Variants in CDK19 observed in about 807,000 individuals in gnomAD.
CDK19 encodes the protein cyclin dependent kinase 19, also known as cyclin-dependent kinase 19.
A neutral mutation model predicts 68.3 loss-of-function variants in CDK19; 20 were observed. The ratio of observed to expected loss-of-function variants is 0.29; its 90% confidence interval spans 0.21 to 0.43. The LOEUF (loss-of-function observed/expected upper bound fraction) is 0.43, where lower values mean the gene tolerates loss of function less well. CDK19 is among the 20% of genes least tolerant of loss of function. The pLI is 1.00. For synonymous variants in CDK19, 221 were observed against 222.8 expected, an observed-to-expected ratio of 0.99 and a Z score of 0.07; for missense variants, 339 against 623.5, an observed-to-expected ratio of 0.54 and a Z score of 4.86.
At chr6:110,700,047 G>A (rs1338307730) in intron 2 of CDK19, among the ~76,000 whole-genome samples, 2 of 152,174 alleles carry the variant, frequency 1.3e-5, no homozygotes, top group African/African-American at 2.4e-5. Flanking sequence ...TCTATCTCCT[G>A]TCAGATAAGC....
intron 1 of CDK19, among the ~76,000 whole-genome samples, chr6:110,792,813 T>G (rs1435188701): frequency 1.3e-5 from 2 of 152,212 alleles, no homozygotes; most frequent in Non-Finnish European, 2.9e-5. Flanking sequence ...CCCTTTTTAT[T>G]TACTAACTTA....
intron 1 of CDK19, among the ~76,000 whole-genome samples, chr6:110,793,892 A>G (rs913697204): frequency 6.6e-6 from 1 of 152,212 alleles, no homozygotes; most frequent in Admixed American, 6.5e-5. Flanking sequence ...TCCTGGCACA[A>G]CTGCACCAGC....
At chr6:110,754,897 T>C (rs185387075) in intron 1 of CDK19, among the ~76,000 whole-genome samples, 3 of 152,152 alleles carry the variant, frequency 2.0e-5, no homozygotes, top group African/African-American at 7.2e-5. Flanking sequence ...ATTTCAGAAA[T>C]ATGTTACTAA....
chr6:110,806,512 A>G (rs952158468), intron 1 of CDK19, among the ~76,000 whole-genome samples: 6 of 152,204 alleles, frequency 3.9e-5, no homozygotes, highest in Middle Eastern at 3.2e-3. Context: ...TTACAGACAC[A>G]TTAATAGGTA....
At chr6:110,808,348 G>C (rs756460305) in intron 1 of CDK19, among the ~76,000 whole-genome samples, 2 of 152,150 alleles carry the variant, frequency 1.3e-5, no homozygotes, top group Non-Finnish European at 2.9e-5. Flanking sequence ...TCTACACCAG[G>C]AGTCAACAAA....
chr6:110,768,917 C>T (rs1779780338), intron 1 of CDK19, among the ~76,000 whole-genome samples: 1 of 151,988 alleles, frequency 6.6e-6, no homozygotes, highest in African/African-American at 2.4e-5. Flanking sequence ...CTTTGGGGGT[C>T]CAAGGCAGGT....
chr6:110,752,087 G>C (rs1219451168), intron 1 of CDK19, among the ~76,000 whole-genome samples: 3 of 151,880 alleles, frequency 2.0e-5, no homozygotes, highest in Admixed American at 2.0e-4. Context: ...TGTTTCATAT[G>C]GGTATCATTC....
At position 110,627,162 on chromosome 6, in the gene CDK19, A is replaced by G. The variant is rs370955254; in HGVS notation, c.647-17T>C. The G allele has an allele frequency of 1.8e-5, 29 of 1,589,038 alleles. 1 individual carries two copies. In the South Asian group the frequency reaches 1.9e-4, roughly 11 times the overall value. On this transcript the variant is annotated splice_polypyrimidine_tract_variant and intron_variant, in intron 6 of 12. Transcript: ENST00000368911. ...CCCATATATCTGGGAAGGAAGAAAC[A>G]TAAGTTTTTGTATATATTTCCTTGG...
chr6:110,774,059 T>G (rs1031508749), intron 1 of CDK19: 1 of 152,200 alleles, frequency 6.6e-6, no homozygotes, highest in Non-Finnish European at 1.5e-5. Flanking sequence ...ACTCAGATTT[T>G]AGATTTGACA....
At chr6:110,656,783 C>T (rs1241459493) in intron 4 of CDK19, among the ~76,000 whole-genome samples, 1 of 152,094 alleles carries the variant, frequency 6.6e-6, no homozygotes, top group Non-Finnish European at 1.5e-5. Context: ...AAAAAGCAAC[C>T]ATTATAAAAA....
At chr6:110,759,428 A>AAAT (rs1275389842) in intron 1 of CDK19, among the ~76,000 whole-genome samples, 71 of 50,898 alleles carry the variant, frequency 1.4e-3, no homozygotes, top group South Asian at 2.3e-3. Context: ...AAAAAAAAAA[A>AAAT]ATATATATAT....
intron 1 of CDK19, among the ~76,000 whole-genome samples, chr6:110,810,562 G>T (rs184253585): frequency 4.9e-4 from 75 of 152,240 alleles, no homozygotes; most frequent in African/African-American, 1.8e-3. Context: ...ATCACCTGAG[G>T]TTGGGAGTTC....
intron 4 of CDK19, among the ~76,000 whole-genome samples, chr6:110,642,404 C>G (rs1429316332): frequency 6.6e-6 from 1 of 150,824 alleles, no homozygotes; most frequent in Non-Finnish European, 1.5e-5. Flanking sequence ...TGTTTGATCA[C>G]AAACTAAGTA....
intron 1 of CDK19, among the ~76,000 whole-genome samples, chr6:110,773,636 G>A (rs1780195386): frequency 6.6e-6 from 1 of 151,982 alleles, no homozygotes; most frequent in African/African-American, 2.4e-5. Context: ...ATTTCTTAAT[G>A]GCAAAGAAGT....
intron 4 of CDK19, among the ~76,000 whole-genome samples, chr6:110,657,430 A>G (rs992427417): frequency 3.3e-5 from 5 of 152,210 alleles, no homozygotes; most frequent in African/African-American, 1.2e-4. Context: ...TGCTAGTCTA[A>G]TAGAATACCT....
intron 12 of CDK19, among the ~76,000 whole-genome samples, chr6:110,616,568 T>C (rs960536673): frequency 6.6e-6 from 1 of 151,824 alleles, no homozygotes; most frequent in African/African-American, 2.4e-5. Flanking sequence ...CTCGGGAGGC[T>C]GAGGCAGGAG....
chr6:110,800,915 C>T (rs754626728), intron 1 of CDK19, among the ~76,000 whole-genome samples: 32 of 152,046 alleles, frequency 2.1e-4, no homozygotes, highest in Non-Finnish European at 4.6e-4. Context: ...ACTCTCACCA[C>T]CCCTATTCAA....
intron 2 of CDK19, among the ~76,000 whole-genome samples, chr6:110,694,528 A>T (rs774084399): frequency 3.3e-5 from 5 of 152,150 alleles, no homozygotes; most frequent in Non-Finnish European, 5.9e-5. Context: ...TACTAGACCT[A>T]AGAAATGAGA....
intron 1 of CDK19, among the ~76,000 whole-genome samples, chr6:110,769,564 CAAA>C (rs199964074): frequency 0.044 from 5,232 of 117,874 alleles, 420 homozygotes; most frequent in East Asian, 0.4. Context: ...GATTCCATCT[CAAA>C]AAAAAAAAAA....
Sources: gnomAD v4.1 joint callset for allele counts (sites outside exome capture counted in the v4.1 genomes callset) on GRCh38, gnomAD v4.1.1 for gene constraint, MANE v1.5 for transcripts, NCBI Gene and HGNC (gene_info 2026-07-23, HGNC 2026-07-21) for gene names.